Variants in ATRNL1 observed in about 807,000 individuals in gnomAD.
ATRNL1 encodes attractin like 1, also known as attractin-like protein 1.
Under a neutral mutation model 182.7 loss-of-function variants are expected in ATRNL1, and 95 were observed. The ratio of observed to expected loss-of-function variants is 0.52; its 90% CI spans 0.44 to 0.62. The LOEUF is 0.62. Among genes scored for constraint, ATRNL1 ranks in the 20% least tolerant of loss-of-function variants. The pLI, the probability that ATRNL1 is intolerant of heterozygous loss-of-function variation, is 0.00. For missense variants in ATRNL1, 1,471 were observed against 1,679.5 expected (o/e 0.88, Z 2.17); for synonymous variants, 576 against 568.3 (o/e 1.01, Z -0.19).
intron 17 of ATRNL1, among the ~76,000 whole-genome samples, chr10:115,314,637 A>G (rs1167548632): frequency 6.6e-6 from 1 of 152,218 alleles, no homozygotes; most frequent in African/African-American, 2.4e-5. Context: ...GTAAATAGGA[A>G]AAGACTCTCA....
chr10:115,188,771 A>T (rs1184862334), intron 8 of ATRNL1, among the ~76,000 whole-genome samples: 1 of 152,080 alleles, frequency 6.6e-6, no homozygotes, highest in Non-Finnish European at 1.5e-5. Context: ...TTTAAGTGTA[A>T]ATTGGACATT....
chr10:115,503,035 G>GA (rs1849924566), intron 24 of ATRNL1, among the ~76,000 whole-genome samples: 1 of 152,124 alleles, frequency 6.6e-6, no homozygotes, highest in Non-Finnish European at 1.5e-5. Flanking sequence ...TACCGGGCCT[G>GA]AAGATAAGGC....
chr10:115,164,361 A>G (rs1554883915), intron 6 of ATRNL1, among the ~76,000 whole-genome samples: 1 of 152,196 alleles, frequency 6.6e-6, no homozygotes, highest in Non-Finnish European at 1.5e-5. Flanking sequence ...GTTAATTTAT[A>G]TAATGCTAAG....
intron 21 of ATRNL1, among the ~76,000 whole-genome samples, chr10:115,430,579 T>C (rs1554963759): frequency 6.6e-6 from 1 of 152,166 alleles, no homozygotes; most frequent in East Asian, 1.9e-4. Context: ...TGTGGGGGTT[T>C]GGTATACAGA....
chr10:115,122,589 C>A (rs1282680945), intron 3 of ATRNL1, among the ~76,000 whole-genome samples: 3 of 151,632 alleles, frequency 2.0e-5, no homozygotes, highest in Non-Finnish European at 4.4e-5. Flanking sequence ...CTTATTGGTC[C>A]CTTCAAAATA....
chr10:115,940,669 A>G (rs1953699403), intron 28 of ATRNL1, among the ~76,000 whole-genome samples: 1 of 129,654 alleles, frequency 7.7e-6, no homozygotes, highest in Non-Finnish European at 1.6e-5. Flanking sequence ...AATGACAGAG[A>G]TTACTCTCTC....
chr10:115,195,375 A>C (rs768196826), intron 8 of ATRNL1, among the ~76,000 whole-genome samples: 10 of 152,190 alleles, frequency 6.6e-5, no homozygotes, highest in Non-Finnish European at 8.8e-5. Context: ...CTGGATATAT[A>C]TAACTTTCTA....
chr10:115,485,076 T>G lies in ATRNL1; in HGVS notation c.3654+15747T>G, dbSNP rs1848956689. Among the ~76,000 whole-genome samples, 5 of 152,144 alleles carry G rather than the reference T, an allele frequency of 3.3e-5. No homozygotes were observed. In the South Asian group the frequency reaches 1.0e-3, roughly 32 times the overall value. ...GTATTTAGTAGGTGTGCATTGATAT[T>G]AATAAGTGATATTGATAACTTTTTT... On this transcript the variant is annotated intron_variant, in intron 24 of 28. Coordinates refer to ENST00000355044, the MANE Select transcript of ATRNL1 (RefSeq NM_207303.4).
At chr10:115,545,322 T>C (rs1051025082) in intron 25 of ATRNL1, among the ~76,000 whole-genome samples, 3 of 151,958 alleles carry the variant, frequency 2.0e-5, no homozygotes, top group African/African-American at 7.3e-5. Flanking sequence ...AACATATATT[T>C]TACTGGATTT....
chr10:115,219,044 G>A (rs1337303114), intron 9 of ATRNL1, among the ~76,000 whole-genome samples: 2 of 152,062 alleles, frequency 1.3e-5, no homozygotes, highest in Non-Finnish European at 2.9e-5. Context: ...AGACCAGCCT[G>A]GCCAATATGG....
chr10:115,443,221 TTGA>T (rs1554966084), intron 21 of ATRNL1, among the ~76,000 whole-genome samples: 1 of 152,014 alleles, frequency 6.6e-6, no homozygotes, highest in African/African-American at 2.4e-5. Flanking sequence ...AATTATTCTG[TTGA>T]TGATTTATAG....
chr10:115,421,962 A>G, intron 20 of ATRNL1, among the ~76,000 whole-genome samples: 1 of 152,332 alleles, frequency 6.6e-6, no homozygotes, highest in African/African-American at 2.4e-5. Flanking sequence ...TCCCTATTCA[A>G]TAAATGGTGC....
chr10:115,849,147 T>C (rs1177745315), intron 28 of ATRNL1, among the ~76,000 whole-genome samples: 1 of 152,178 alleles, frequency 6.6e-6, no homozygotes, highest in Non-Finnish European at 1.5e-5. Context: ...CCTGATGATA[T>C]CTTATTGCAG....
chr10:115,403,739 A>G (rs1844693112), intron 20 of ATRNL1, among the ~76,000 whole-genome samples: 4 of 152,218 alleles, frequency 2.6e-5, no homozygotes, highest in African/African-American at 9.6e-5. Context: ...GGCATGAGCC[A>G]GTGCACCCAG....
At chr10:115,113,562 T>C (rs1844349361) in intron 1 of ATRNL1, among the ~76,000 whole-genome samples, 1 of 152,110 alleles carries the variant, frequency 6.6e-6, no homozygotes, top group Non-Finnish European at 1.5e-5. Flanking sequence ...AGTGAATAAG[T>C]CTTATGAGAT....
chr10:115,727,797 A>G (rs1555060804), intron 27 of ATRNL1, among the ~76,000 whole-genome samples: 2 of 152,180 alleles, frequency 1.3e-5, no homozygotes, highest in Non-Finnish European at 1.5e-5. Context: ...AATGTTGAAA[A>G]GTGAATGTTT....
intron 20 of ATRNL1, among the ~76,000 whole-genome samples, chr10:115,395,802 A>G (rs1487553928): frequency 6.6e-6 from 1 of 151,724 alleles, no homozygotes; most frequent in Non-Finnish European, 1.5e-5. Context: ...ATTTTAGGCT[A>G]TTTAAATTGT....
chr10:115,664,850 T>G (rs1467596571), intron 26 of ATRNL1, among the ~76,000 whole-genome samples: 1 of 152,142 alleles, frequency 6.6e-6, no homozygotes, highest in Non-Finnish European at 1.5e-5. Flanking sequence ...TATCCAGCGG[T>G]GAAAATCTAC....
At chr10:115,137,924 TA>T (rs1177195545) in intron 5 of ATRNL1, among the ~76,000 whole-genome samples, 1 of 152,144 alleles carries the variant, frequency 6.6e-6, no homozygotes, top group African/African-American at 2.4e-5. Flanking sequence ...TGTGAGCCTG[TA>T]AAATCAAAAG....
Sources: allele counts gnomAD v4.1 joint callset (sites outside exome capture counted in the v4.1 genomes callset), GRCh38; gene constraint gnomAD v4.1.1; transcripts MANE v1.5; gene names NCBI Gene and HGNC (gene_info 2026-07-23, HGNC 2026-07-21).